Variants in SCN3B observed in about 807,000 individuals in gnomAD.
SCN3B encodes the protein sodium channel regulatory subunit beta-3.
In SCN3B, 11 loss-of-function variants were observed where a neutral mutation model predicts 25.4. The observed-to-expected ratio is 0.43, with a 90% CI of 0.27 to 0.72. The LOEUF (loss-of-function observed/expected upper bound fraction) is 0.72, where lower values mean the gene tolerates loss of function less well. Ranked by LOEUF, SCN3B falls within the 30% of genes least tolerant of loss-of-function variation. SCN3B has a pLI of 0.18. For missense variants in SCN3B, 218 were observed against 278.3 expected (o/e 0.78, Z 1.54); for synonymous variants, 109 against 110.7 (o/e 0.99, Z 0.09).
rs41497645 is a variant in SCN3B at position 123,632,113 on chromosome 11, A to G, written c.*1686T>C. On this transcript the variant is annotated 3_prime_UTR_variant, in exon 7 of 7. Transcript: ENST00000299333. ...ACTTAATTAAAATGAAACACGAGAT[A>G]TTGACTAAAGTTTTTTCCAGTTTCT... The G allele has an allele frequency of 0.085, 12,897 of 152,250 alleles. 703 individuals carry two copies. Among genetic ancestry groups the G allele is most frequent in the East Asian group, 0.23 (1,182 of 5,176 alleles). 9.4% of individuals were successfully genotyped at this position (152,250 alleles called of 1,614,324 possible).
At chr11:123,648,017 T>C (rs1391836325) in intron 2 of SCN3B, among the ~76,000 whole-genome samples, 1 of 152,228 alleles carries the variant, frequency 6.6e-6, no homozygotes, top group Non-Finnish European at 1.5e-5. Context: ...GTCTGAAGTA[T>C]TGATTATAGA....
chr11:123,653,711 T>TA (rs767572445), intron 2 of SCN3B, 36 bp downstream of exon 2: 1 of 1,610,208 alleles, frequency 6.2e-7, no homozygotes, highest in South Asian at 1.1e-5. Context: ...TTGTTACTGT[T>TA]ACCTGCATCC....
chr11:123,653,656 C>T (rs1955957768), intron 2 of SCN3B, 91 bp downstream of exon 2: 14 of 1,453,358 alleles, frequency 9.6e-6, no homozygotes, highest in Non-Finnish European at 1.4e-5. Flanking sequence ...CCAGCCAGAG[C>T]TCTTTTCTGT....
chr11:123,648,114 A>G (rs947295652), intron 2 of SCN3B, among the ~76,000 whole-genome samples: 1 of 152,262 alleles, frequency 6.6e-6, no homozygotes, highest in African/African-American at 2.4e-5. Flanking sequence ...AACTCCGTGT[A>G]GTATGGAACC....
At chr11:123,633,799 C>T (rs972224832) in intron 6 of SCN3B, 23 bp from the exon 7 acceptor site, 2 of 350,812 alleles carry the variant, frequency 5.7e-6, no homozygotes, top group Non-Finnish European at 1.1e-5. Context: ...AAATAACTCA[C>T]TGAGAATTTC....
chr11:123,652,018 G>T (rs1049453862), intron 2 of SCN3B, among the ~76,000 whole-genome samples: 2 of 152,162 alleles, frequency 1.3e-5, no homozygotes, highest in African/African-American at 4.8e-5. Flanking sequence ...TCCAATGCAG[G>T]TTGCACAAGT....
intron 2 of SCN3B, among the ~76,000 whole-genome samples, chr11:123,653,544 T>C (rs932502429): frequency 1.3e-5 from 2 of 152,036 alleles, no homozygotes; most frequent in African/African-American, 2.4e-5. Context: ...GGTTGGAGAA[T>C]AGCGGGGAAG....
At chr11:123,634,588 A>T (rs1448579957) in intron 5 of SCN3B, among the ~76,000 whole-genome samples, 2 of 152,196 alleles carry the variant, frequency 1.3e-5, no homozygotes, top group African/African-American at 4.8e-5. Context: ...AAAAAATACA[A>T]AAAACTAGCC....
chr11:123,647,756 T>C (rs1565497749), intron 2 of SCN3B, among the ~76,000 whole-genome samples: 1 of 152,242 alleles, frequency 6.6e-6, no homozygotes, highest in Non-Finnish European at 1.5e-5. Flanking sequence ...CTGTGTTTGA[T>C]TGACTTAGAA....
At chr11:123,644,838 T>C (rs5023550) in intron 3 of SCN3B, among the ~76,000 whole-genome samples, 15,049 of 126,314 alleles carry the variant, frequency 0.12, 1,086 homozygotes, top group Admixed American at 0.2. Context: ...TATATATATA[T>C]ATACACACAC....
intron 5 of SCN3B, among the ~76,000 whole-genome samples, chr11:123,636,179 A>G (rs951486331): frequency 2.6e-5 from 4 of 152,176 alleles, no homozygotes; most frequent in African/African-American, 4.8e-5. Flanking sequence ...TGCTATTGTA[A>G]CTTTAAAAGC....
rs912212071 is a variant in SCN3B, at chr11:123,631,867, G to A, written c.*1932C>T. 3.9e-5 allele frequency: 6 copies of A among 151,926 alleles called. No homozygotes were observed. Among genetic ancestry groups the A allele is most frequent in the Admixed American group, 3.3e-4 (5 of 15,240 alleles). The allele number at this position is 151,926 out of a possible 1,614,324, so 9.4% of individuals were successfully genotyped here. On this transcript the variant is annotated 3_prime_UTR_variant, in exon 7 of 7. Transcript: ENST00000299333. ...TAAATAAATAAAAATTTAAAAGTCT[G>A]GTTTTAAGTACTTTCCTAGGGATGG... is the stretch of plus-strand genomic sequence containing the variant.
intron 2 of SCN3B, among the ~76,000 whole-genome samples, chr11:123,652,435 G>T (rs1955937175): frequency 6.6e-6 from 1 of 152,142 alleles, no homozygotes; most frequent in Non-Finnish European, 1.5e-5. Flanking sequence ...CTCTGCCTCT[G>T]GTCACATGCA....
chr11:123,644,832 T>C (rs1855804117), intron 3 of SCN3B, among the ~76,000 whole-genome samples: 1 of 128,880 alleles, frequency 7.8e-6, no homozygotes, highest in Admixed American at 8.3e-5. Context: ...TATATATATA[T>C]ATATATATAC....
At chr11:123,644,800 A>AGAGAATAT (rs1272015067) in intron 3 of SCN3B, among the ~76,000 whole-genome samples, 21 of 45,570 alleles carry the variant, frequency 4.6e-4, no homozygotes, top group Admixed American at 9.9e-4. Flanking sequence ...AGAGAGAGAG[A>AGAGAATAT]ATATATATAT....
intron 2 of SCN3B, among the ~76,000 whole-genome samples, chr11:123,646,685 T>G (rs182128983): frequency 6.6e-6 from 1 of 152,272 alleles, no homozygotes; most frequent in African/African-American, 2.4e-5. Context: ...GTCTGTTTTT[T>G]AAAAGGAGGC....
At chr11:123,652,544 T>G (rs1306377902) in intron 2 of SCN3B, among the ~76,000 whole-genome samples, 1 of 152,212 alleles carries the variant, frequency 6.6e-6, no homozygotes, top group African/African-American at 2.4e-5. Context: ...TGCCACCGTA[T>G]AGGCAGGATG....
At chr11:123,635,932 C>T (rs566639896) in intron 5 of SCN3B, among the ~76,000 whole-genome samples, 1 of 152,290 alleles carries the variant, frequency 6.6e-6, no homozygotes, top group Admixed American at 6.5e-5. Context: ...TTTTTGGCTA[C>T]TTAGCCTTCC....
intron 2 of SCN3B, 50 bp from the exon 3 acceptor site, chr11:123,645,800 G>A: frequency 6.3e-7 from 1 of 1,590,392 alleles, no homozygotes; most frequent in Non-Finnish European, 8.6e-7. Context: ...GGTGGGGGAG[G>A]GGCACAGGAG....
Sources: allele counts gnomAD v4.1 joint callset (sites outside exome capture counted in the v4.1 genomes callset), GRCh38; gene constraint gnomAD v4.1.1; transcripts MANE v1.5; gene names NCBI Gene and HGNC (gene_info 2026-07-23, HGNC 2026-07-21).